Variants in VWDE observed in about 807,000 individuals in gnomAD.
VWDE encodes von Willebrand factor D and EGF domain-containing protein.
Under a neutral mutation model 178.4 loss-of-function variants are expected in VWDE, and 207 were observed. The ratio of observed to expected loss-of-function variants is 1.16; its 90% CI spans 1.04 to 1.30. VWDE has a LOEUF of 1.30. VWDE is among the 50% of genes most tolerant of loss of function. The probability of loss-of-function intolerance (pLI) is 0.00; values close to 1 mark genes in which losing one functional copy is unlikely to be tolerated. For synonymous variants in VWDE, 738 were observed against 651.4 expected (o/e 1.13, Z -2.02); for missense variants, 2,287 against 1,901.3 (o/e 1.20, Z -3.77).
In VWDE at chr7:12,361,455, C is replaced by A. The variant is rs367674403; in HGVS notation, c.2965G>T (p.Ala989Ser). The A allele has an allele frequency of 9.7e-6, 15 of 1,551,100 alleles. No homozygotes were observed. Among genetic ancestry groups the A allele is most frequent in the Non-Finnish European group, 1.1e-5 (13 of 1,146,678 alleles). The change falls in exon 14 of 29, where the codon GCT becomes TCT. Residue 989 changes from alanine to serine, a missense_variant. Ala to Ser is a moderately conservative substitution (Grantham distance 99). Coordinates refer to ENST00000275358, the MANE Select transcript of VWDE (RefSeq NM_001135924.3). ...TCAGTGGGCAGCTGACAATCAACAG[C>A]TCTGCTATTGTGGAAAACAGTCTGT... is the stretch of plus-strand genomic sequence containing the variant. ...YTQTVFHNSR[A>S]VDCQLPTDVQ...
Position 12,370,388 on chromosome 7 carries a change from T to C in VWDE, c.1918A>G (p.Ser640Gly), listed in dbSNP as rs1783117210. ...AAGGCAATTTCTGATCGAGAAACAC[T>C]GTCCAGATCTTCGGAAGACGGATAC... ...AAYPSSEDLDSVSRSEIALGC... is the reference protein window; with the variant it reads ...AAYPSSEDLDGVSRSEIALGC... The change falls in exon 12 of 29, where the codon AGT becomes GGT. Residue 640 changes from serine to glycine, a missense_variant. Transcript: ENST00000275358. 3 of 1,550,258 alleles carry C rather than the reference T, an allele frequency of 1.9e-6. No individual in the cohort carries two copies. The highest frequency in any genetic ancestry group is 2.6e-6 in the Non-Finnish European group (3 of 1,146,826).
At chr7:12,340,221 A>G in intron 24 of VWDE, 101 bp downstream of exon 24, 1 of 880,936 alleles carries the variant, frequency 1.1e-6, no homozygotes, top group Non-Finnish European at 1.7e-6. Context: ...TGGGGAAAAA[A>G]TCGCATCTTT....
chr7:12,336,258 A>G (rs1781024421), intron 26 of VWDE, 22 bp from the exon 27 acceptor site: 1 of 1,545,716 alleles, frequency 6.5e-7, no homozygotes, highest in Non-Finnish European at 8.7e-7. Context: ...AATATAAACA[A>G]GTTAAAATTT....
chr7:12,332,177 G>T (rs897059316), intron 28 of VWDE, among the ~76,000 whole-genome samples: 1 of 95,986 alleles, frequency 1.0e-5, no homozygotes, highest in Non-Finnish European at 1.9e-5. Context: ...AAGAAATATC[G>T]AAAGCAAGTA....
At chr7:12,388,784 ATTTTTATGATAACTTT>A (rs1290369428) in intron 3 of VWDE, 4 of 377,892 alleles carry the variant, frequency 1.1e-5, no homozygotes, top group Non-Finnish European at 2.1e-5. Context: ...TAAAATGTAT[ATTTTTATGATAACTTT>A]TACTCACCCT....
intron 22 of VWDE, among the ~76,000 whole-genome samples, chr7:12,342,817 T>A (rs1483150617): frequency 6.6e-6 from 1 of 151,886 alleles, no homozygotes; most frequent in Non-Finnish European, 1.5e-5. Context: ...TATCTCCTAA[T>A]GCCATCCCTC....
chr7:12,394,368 C>T (rs770878241), intron 1 of VWDE, among the ~76,000 whole-genome samples: 5 of 151,988 alleles, frequency 3.3e-5, no homozygotes, highest in Non-Finnish European at 5.9e-5. Flanking sequence ...CTACTAAGCA[C>T]AGGAAAACGA....
chr7:12,395,839 C>T (rs534815839), intron 1 of VWDE, among the ~76,000 whole-genome samples: 90 of 152,128 alleles, frequency 5.9e-4, no homozygotes, highest in Non-Finnish European at 1.0e-3. Context: ...ATATTGATGG[C>T]TTGGGCTCTC....
chr7:12,357,633 A>G (rs1445341224), intron 16 of VWDE, 118 bp from the exon 17 acceptor site: 3 of 1,145,340 alleles, frequency 2.6e-6, no homozygotes, highest in African/African-American at 3.1e-5. Context: ...TAAAAGGTCT[A>G]TTAGCTGCTT....
chr7:12,363,560 G>A (rs533524526), intron 13 of VWDE, among the ~76,000 whole-genome samples: 2 of 152,016 alleles, frequency 1.3e-5, no homozygotes, highest in East Asian at 1.9e-4. Flanking sequence ...GTAGAAAAAA[G>A]CATGTAAAAT....
At position 12,333,543 on chromosome 7, in the gene VWDE, A is replaced by AT; in HGVS notation, c.4679dup (p.Tyr1560Ter). The change falls in exon 28 of 29, where the codon TAT becomes TAAT. Residue 1560 changes from tyrosine to a stop codon, truncating the protein, a stop_gained and frameshift_variant. Coordinates refer to ENST00000275358, the MANE Select transcript of VWDE (RefSeq NM_001135924.3). LOFTEE classifies it high-confidence loss of function. ...QIPICNPKCL[Y>*]GGRCIFPNVC... is the part of the protein sequence containing the mutation. ...CATTGGGAAATATGCATCTGCCTCC[A>AT]TAAAGACATTTTGGGTTGCAAATTG... The AT allele has an allele frequency of 6.4e-7, 1 of 1,551,250 alleles. No homozygotes were observed. The highest frequency in any genetic ancestry group is 8.7e-7 in the Non-Finnish European group (1 of 1,146,674).
chr7:12,376,783 G>A (rs1049080801), intron 7 of VWDE, among the ~76,000 whole-genome samples: 1 of 152,024 alleles, frequency 6.6e-6, no homozygotes, highest in African/African-American at 2.4e-5. Flanking sequence ...CGAGTAGGTA[G>A]GTATTACTGA....
At chr7:12,377,958 T>C in intron 6 of VWDE, 38 bp from the exon 7 acceptor site, 1 of 1,318,952 alleles carries the variant, frequency 7.6e-7, no homozygotes, top group Non-Finnish European at 9.8e-7. Context: ...TATGTTAAAA[T>C]ATAATTTATT....
intron 27 of VWDE, among the ~76,000 whole-genome samples, chr7:12,335,807 C>G (rs1220916719): frequency 2.0e-5 from 3 of 152,128 alleles, no homozygotes; most frequent in Non-Finnish European, 1.5e-5. Flanking sequence ...ATCCATGATA[C>G]ATATGTATTT....
At position 12,343,116 on chromosome 7, in the gene VWDE, G is replaced by A; in HGVS notation, c.4141C>T (p.Pro1381Ser). 1.3e-6 allele frequency: 2 copies of A among 1,549,804 alleles called. No individual in the cohort carries two copies. The highest frequency in any genetic ancestry group is 1.7e-6 in the Non-Finnish European group (2 of 1,145,730). ...TCLAGNLCTC[P>S]YGFVGPRCET... is the part of the protein sequence containing the mutation. ...CACCTTGGTCCTACAAAACCATAAG[G>A]ACAAGTGCAGAGATTCCCAGCCAAG... Residue 1381 changes from proline (P) to serine (S), a missense_variant, in exon 22 of 29, where the codon CCT (proline) becomes TCT (serine). Physicochemically the swap from Pro to Ser is moderately conservative, Grantham distance 74 (BLOSUM62 -1). Coordinates refer to ENST00000275358, the MANE Select transcript of VWDE (RefSeq NM_001135924.3).
At chr7:12,349,199 A>G (rs1781788670) in intron 19 of VWDE, among the ~76,000 whole-genome samples, 1 of 151,750 alleles carries the variant, frequency 6.6e-6, no homozygotes, top group African/African-American at 2.4e-5. Flanking sequence ...CACATTGTGC[A>G]CATGTACCCT....
Position 12,373,169 on chromosome 7 carries a change from C to T in VWDE, c.1395G>A (p.Gln465=). 6.4e-7 allele frequency: 1 copy of T among 1,551,390 alleles called. No homozygotes were observed. The highest frequency in any genetic ancestry group is 8.7e-7 in the Non-Finnish European group (1 of 1,146,802). Residue 465 remains glutamine, a synonymous_variant, in exon 10 of 29, where the codon CAG becomes CAA. Coordinates refer to ENST00000275358, the MANE Select transcript of VWDE (RefSeq NM_001135924.3). ...MSRDFEVHVR[Q]WDCRSLHYPV... ...GATAGTGAAGGCTTCTGCAGTCCCA[C>T]TGACGTACATGGACTTCAAAATCAC... is the stretch of plus-strand genomic sequence containing the variant.
intron 15 of VWDE, among the ~76,000 whole-genome samples, chr7:12,360,727 A>G (rs535943814): frequency 1.1e-4 from 16 of 152,292 alleles, no homozygotes; most frequent in African/African-American, 2.9e-4. Context: ...ACATGCTCCA[A>G]TAAAATTAGT....
At chr7:12,394,540 T>C (rs1489882426) in intron 1 of VWDE, among the ~76,000 whole-genome samples, 3 of 152,114 alleles carry the variant, frequency 2.0e-5, no homozygotes, top group Non-Finnish European at 4.4e-5. Flanking sequence ...AGCTCCACTT[T>C]CCAGCACTAA....
Sources: allele counts gnomAD v4.1 joint callset (sites outside exome capture counted in the v4.1 genomes callset), GRCh38; gene constraint gnomAD v4.1.1; transcripts MANE v1.5; gene names NCBI Gene and HGNC (gene_info 2026-07-23, HGNC 2026-07-21).